CNTNAP4: variants seen among roughly 807,000 people sequenced by gnomAD.
The protein encoded by CNTNAP4 is contactin associated protein family member 4, also known as contactin-associated protein-like 4.
Under a neutral mutation model 148.4 loss-of-function variants are expected in CNTNAP4, and 98 were observed. That is an observed-to-expected ratio of 0.66 (90% confidence interval 0.56 to 0.78). The LOEUF (loss-of-function observed/expected upper bound fraction) is 0.78. CNTNAP4 is among the 30% of genes least tolerant of loss of function. CNTNAP4 has a pLI of 0.00. For missense variants in CNTNAP4, 1,935 were observed against 1,565.6 expected (o/e 1.24, Z -3.98); for synonymous variants, 730 against 565.1 (o/e 1.29, Z -4.14).
At chr16:76,356,610 G>T (rs1273300890) in intron 3 of CNTNAP4, among the ~76,000 whole-genome samples, 2 of 152,060 alleles carry the variant, frequency 1.3e-5, no homozygotes, top group Non-Finnish European at 2.9e-5. Context: ...GATCTTATGT[G>T]GGCTAAGAAC....
intron 2 of CNTNAP4, among the ~76,000 whole-genome samples, chr16:76,352,576 T>C (rs1031405233): frequency 1.2e-4 from 18 of 152,314 alleles, no homozygotes; most frequent in Non-Finnish European, 2.1e-4. Flanking sequence ...ACTCTTTGTA[T>C]CTGATGCACC....
intron 3 of CNTNAP4, among the ~76,000 whole-genome samples, chr16:76,418,397 A>G (rs922114282): frequency 2.0e-5 from 2 of 101,234 alleles, no homozygotes; most frequent in Middle Eastern, 5.6e-3. Flanking sequence ...TTTCTTTTAT[A>G]TATATATATT....
intron 3 of CNTNAP4, among the ~76,000 whole-genome samples, chr16:76,364,308 C>T (rs1487291211): frequency 2.1e-5 from 3 of 144,352 alleles, no homozygotes; most frequent in Non-Finnish European, 4.5e-5. Flanking sequence ...ATACACATAG[C>T]AATGTGAGAT....
At chr16:76,328,961 G>T (rs1023720432) in intron 2 of CNTNAP4, among the ~76,000 whole-genome samples, 1 of 152,144 alleles carries the variant, frequency 6.6e-6, no homozygotes, top group African/African-American at 2.4e-5. Context: ...ATAGGACAGG[G>T]GACTGGGCAA....
At chr16:76,486,182 A>T (rs1174620273) in intron 12 of CNTNAP4, among the ~76,000 whole-genome samples, 1 of 152,196 alleles carries the variant, frequency 6.6e-6, no homozygotes, top group South Asian at 2.1e-4. Context: ...TATTTCAGCC[A>T]TCTCTTATTC....
intron 15 of CNTNAP4, among the ~76,000 whole-genome samples, chr16:76,511,838 GGAGAGA>G (rs61708542): frequency 3.5e-4 from 52 of 148,272 alleles, no homozygotes; most frequent in Non-Finnish European, 5.7e-4. Context: ...ATATTTTCTT[GGAGAGA>G]GAGAGAGAGA....
intron 1 of CNTNAP4, among the ~76,000 whole-genome samples, chr16:76,310,916 T>G (rs1408072316): frequency 2.7e-4 from 41 of 152,092 alleles, no homozygotes; most frequent in Admixed American, 1.8e-3. Flanking sequence ...TACCACCTAT[T>G]AGTCATGGGT....
chr16:76,291,905 C>T (rs555944727), intron 1 of CNTNAP4, among the ~76,000 whole-genome samples: 6 of 152,278 alleles, frequency 3.9e-5, no homozygotes, highest in East Asian at 1.9e-4. Context: ...TTTTCTCATA[C>T]GCATGCTTTC....
chr16:76,477,200 G>A (rs568177852), intron 11 of CNTNAP4, among the ~76,000 whole-genome samples: 1 of 152,146 alleles, frequency 6.6e-6, no homozygotes, highest in South Asian at 2.1e-4. Context: ...CCTTTTTCCT[G>A]TATTACAAAT....
At chr16:76,340,978 ACAGT>A (rs1477031012) in intron 2 of CNTNAP4, among the ~76,000 whole-genome samples, 4 of 152,188 alleles carry the variant, frequency 2.6e-5, no homozygotes, top group Admixed American at 1.3e-4. Flanking sequence ...CCATCTTTCA[ACAGT>A]CAGTCCAATT....
chr16:76,437,169 C>T (rs1393726753), intron 4 of CNTNAP4, among the ~76,000 whole-genome samples: 1 of 152,024 alleles, frequency 6.6e-6, no homozygotes, highest in African/African-American at 2.4e-5. Flanking sequence ...GAGGCTAAGC[C>T]AGTCCAGCGT....
At chr16:76,470,650 C>T (rs1049003389) in intron 10 of CNTNAP4, among the ~76,000 whole-genome samples, 1 of 150,308 alleles carries the variant, frequency 6.7e-6, no homozygotes, top group African/African-American at 2.5e-5. Context: ...AACGCCGTCT[C>T]GAAAAACAAA....
chr16:76,340,197 A>T (rs144887166), intron 2 of CNTNAP4, among the ~76,000 whole-genome samples: 2 of 152,142 alleles, frequency 1.3e-5, no homozygotes, highest in Non-Finnish European at 2.9e-5. Context: ...GGGACTGGTT[A>T]TTTAAGAGGC....
chr16:76,372,108 T>A (rs1459110343), intron 3 of CNTNAP4, among the ~76,000 whole-genome samples: 1 of 151,974 alleles, frequency 6.6e-6, no homozygotes, highest in African/African-American at 2.4e-5. Flanking sequence ...TACTTATATG[T>A]TGGCTGATAA....
At chr16:76,546,033 CA>C (rs34575100) in intron 21 of CNTNAP4, among the ~76,000 whole-genome samples, 40 of 140,294 alleles carry the variant, frequency 2.9e-4, no homozygotes, top group East Asian at 1.1e-3. Flanking sequence ...GACTCCATTT[CA>C]AAAAAAAAAA....
chr16:76,462,234 C>T (rs34782687), intron 9 of CNTNAP4, 129 bp downstream of exon 9: 667,829 of 823,536 alleles, frequency 0.81, 280,188 homozygotes, highest in Non-Finnish European at 0.87. Context: ...TCTTTGATCA[C>T]GGACATTTTG....
At chr16:76,336,800 C>G (rs1964065082) in intron 2 of CNTNAP4, among the ~76,000 whole-genome samples, 4 of 152,262 alleles carry the variant, frequency 2.6e-5, no homozygotes, top group South Asian at 4.1e-4. Flanking sequence ...AAGTTGTTTG[C>G]TTTTTTGCTT....
intron 3 of CNTNAP4, among the ~76,000 whole-genome samples, chr16:76,380,348 A>G (rs1196028092): frequency 6.6e-6 from 1 of 152,230 alleles, no homozygotes; most frequent in Admixed American, 6.5e-5. Flanking sequence ...GGTAAACTCC[A>G]GGTCTCTCCG....
intron 1 of CNTNAP4, among the ~76,000 whole-genome samples, chr16:76,283,205 T>A (rs1158473): frequency 0.17 from 25,320 of 151,910 alleles, 4,164 homozygotes; most frequent in African/African-American, 0.41. Flanking sequence ...ATTTTTCTTG[T>A]TTAAATACTA....
Sources: gnomAD v4.1 joint callset for allele counts (sites outside exome capture counted in the v4.1 genomes callset) on GRCh38, gnomAD v4.1.1 for gene constraint, MANE v1.5 for transcripts, NCBI Gene and HGNC (gene_info 2026-07-23, HGNC 2026-07-21) for gene names.